ORC4: variants seen among roughly 807,000 people sequenced by gnomAD.
ORC4 encodes the protein origin recognition complex subunit 4.
A neutral mutation model predicts 63.9 loss-of-function variants in ORC4; 55 were observed. The ratio of observed to expected loss-of-function variants is 0.86; its 90% CI spans 0.69 to 1.08. The LOEUF is 1.08. ORC4 is among the 50% of genes least tolerant of loss of function. The pLI is 0.00. For missense variants in ORC4, 511 were observed against 504.4 expected (o/e 1.01, Z -0.13); for synonymous variants, 150 against 168.5 (o/e 0.89, Z 0.85).
intron 1 of ORC4, among the ~76,000 whole-genome samples, chr2:148,019,079 G>C (rs1174176770): frequency 6.6e-6 from 1 of 151,534 alleles, no homozygotes; most frequent in Non-Finnish European, 1.5e-5. Flanking sequence ...CAAAGTGGCA[G>C]ACAATTGGTT....
chr2:148,021,302 GAGA>G (rs550431476), upstream of ORC4: 7 of 389,438 alleles, frequency 1.8e-5, no homozygotes, highest in South Asian at 8.1e-5. Context: ...CCTGAGAGAG[GAGA>G]AGGAGTTTCT....
intron 1 of ORC4, among the ~76,000 whole-genome samples, chr2:148,016,982 G>C (rs982642735): frequency 1.3e-5 from 2 of 152,100 alleles, no homozygotes; most frequent in African/African-American, 4.8e-5. Flanking sequence ...AAAAAATTAA[G>C]ACAAAGCAAA....
At position 147,935,676 on chromosome 2, in the gene ORC4, A is replaced by T; in HGVS notation, c.1145T>A (p.Leu382Ter). The change falls in exon 14 of 14, where the codon TTA (leucine) becomes TAA (stop). Residue 382 changes from leucine to a stop codon, truncating the protein, a stop_gained. Coordinates refer to ENST00000392857, the MANE Select transcript of ORC4 (RefSeq NM_181741.4). LOFTEE classifies it high-confidence loss of function. ...VMKAFEHLQQ[L>*]ELIKPMERTS... ...TCTTTCCATGGGCTTTATTAATTCT[A>T]ATTGCTGCAAGTGTTCAAAAGCCTG... 1.4e-5 allele frequency: 23 copies of T among 1,612,828 alleles called. No homozygotes were observed. The highest frequency in any genetic ancestry group is 1.9e-5 in the Non-Finnish European group (23 of 1,179,692).
intron 4 of ORC4, among the ~76,000 whole-genome samples, chr2:147,959,094 G>A (rs1689432355): frequency 2.0e-5 from 3 of 151,808 alleles, no homozygotes; most frequent in South Asian, 2.1e-4. Flanking sequence ...TCACCTACCC[G>A]AACTTTTAAT....
chr2:147,973,496 CA>C lies in ORC4; in HGVS notation c.85del (p.Cys29ValfsTer19). 1 of 1,602,404 alleles carries C rather than the reference CA, an allele frequency of 6.2e-7. No individual in the cohort carries two copies. The highest frequency in any genetic ancestry group is 8.5e-7 in the Non-Finnish European group (1 of 1,170,502). On this transcript the variant is annotated frameshift_variant, in exon 3 of 14. Coordinates refer to ENST00000392857, the MANE Select transcript of ORC4 (RefSeq NM_181741.4). LOFTEE classifies it high-confidence loss of function. ...TAGGTTACTATGTGGACTCTGACGA[CA>C]AAATCTTTCACGTAAAATTCTTTGT... ...QVQRILRERF[C>X]RQSPHSNLFG...
chr2:147,979,215 A>G (rs1690727473), intron 1 of ORC4, among the ~76,000 whole-genome samples: 1 of 152,200 alleles, frequency 6.6e-6, no homozygotes, highest in African/African-American at 2.4e-5. Context: ...GAAAATCCTT[A>G]AGACTCTACC....
chr2:147,942,266 G>A (rs935812263), intron 10 of ORC4, among the ~76,000 whole-genome samples: 3 of 151,888 alleles, frequency 2.0e-5, no homozygotes, highest in African/African-American at 7.3e-5. Context: ...GTCTTTCAAA[G>A]GTATTTGCCA....
chr2:147,994,610 T>C (rs556851238), intron 1 of ORC4, among the ~76,000 whole-genome samples: 11 of 152,254 alleles, frequency 7.2e-5, no homozygotes, highest in South Asian at 2.1e-4. Context: ...TTGCAACAAA[T>C]GGTAATGGAA....
intron 9 of ORC4, 200 bp downstream of exon 9, chr2:147,947,851 T>C (rs977221797): frequency 2.1e-6 from 1 of 479,282 alleles, no homozygotes; most frequent in African/African-American, 2.0e-5. Context: ...TGATGTTCTT[T>C]TGAGATAGAA....
intron 8 of ORC4, 97 bp from the exon 9 acceptor site, chr2:147,948,321 A>T: frequency 1.4e-6 from 1 of 737,090 alleles, no homozygotes; most frequent in South Asian, 1.7e-5. Context: ...ACTATCACCT[A>T]TAATTAGTAA....
At chr2:148,002,013 AG>A (rs1176709264) in intron 1 of ORC4, among the ~76,000 whole-genome samples, 1 of 152,222 alleles carries the variant, frequency 6.6e-6, no homozygotes, top group East Asian at 1.9e-4. Flanking sequence ...AAGACAAAGA[AG>A]GACATTACAT....
Position 147,952,792 on chromosome 2 carries a change from T to C in ORC4, c.437-268A>G, listed in dbSNP as rs12104822. On this transcript the variant is annotated intron_variant, in intron 7 of 13. Transcript: ENST00000392857. ...CTGTAATCCCAGCACTTTGGGAGGC[T>C]GAGGTGGGTGGATCACCTGAGGTCG... 0.33 allele frequency among the ~76,000 whole-genome samples: 50,119 copies of C among 150,444 alleles called. 8,538 individuals are homozygous for C. The highest frequency in any genetic ancestry group is 0.53 in the East Asian group (2,686 of 5,114).
chr2:148,003,778 A>G (rs1692455044), intron 1 of ORC4, among the ~76,000 whole-genome samples: 2 of 152,202 alleles, frequency 1.3e-5, no homozygotes, highest in South Asian at 4.1e-4. Context: ...AGGCAAGAGA[A>G]AGAAATAAAA....
chr2:147,958,735 AT>A (rs907337114), intron 5 of ORC4, 55 bp downstream of exon 5: 26 of 887,368 alleles, frequency 2.9e-5, no homozygotes, highest in Non-Finnish European at 4.9e-5. Flanking sequence ...TACAAGTCAT[AT>A]AAAAACCCCA....
chr2:147,940,437 T>G (rs1034085777), intron 10 of ORC4, among the ~76,000 whole-genome samples: 1 of 152,072 alleles, frequency 6.6e-6, no homozygotes, highest in African/African-American at 2.4e-5. Context: ...AAGTTATTAT[T>G]TGAAAAAGAA....
In ORC4 at chr2:147,999,260, C is replaced by T. The variant is rs141469519; in HGVS notation, c.-18+21373G>A. 6.9e-4 allele frequency among the ~76,000 whole-genome samples: 105 copies of T among 152,222 alleles called. 1 individual carries two copies. Among genetic ancestry groups the T allele is most frequent in the African/African-American group, 2.4e-3 (100 of 41,544 alleles). On this transcript the variant is annotated intron_variant, in intron 1 of 13. Transcript: ENST00000392857. ...CAGGGTAAGACAGAAGAAATCTACC[C>T]TGAGGACACAAGACACAGCAGAAGG...
intron 1 of ORC4, among the ~76,000 whole-genome samples, chr2:147,995,116 G>C (rs1382203164): frequency 2.7e-5 from 4 of 150,118 alleles, no homozygotes; most frequent in Non-Finnish European, 3.0e-5. Context: ...GTGTCTAAAG[G>C]ACTGTAAATG....
chr2:147,950,395 G>A (rs1334161546), intron 8 of ORC4, among the ~76,000 whole-genome samples: 2 of 152,134 alleles, frequency 1.3e-5, no homozygotes, highest in Non-Finnish European at 1.5e-5. Flanking sequence ...TCCCAATGGG[G>A]AAGAAGATGC....
intron 4 of ORC4, among the ~76,000 whole-genome samples, chr2:147,968,196 A>G (rs750942512): frequency 2.0e-5 from 3 of 152,110 alleles, no homozygotes; most frequent in Non-Finnish European, 2.9e-5. Flanking sequence ...AACTACTAGA[A>G]GAAAACATAG....
Sources: allele counts gnomAD v4.1 joint callset (sites outside exome capture counted in the v4.1 genomes callset), GRCh38; gene constraint gnomAD v4.1.1; transcripts MANE v1.5; gene names NCBI Gene and HGNC (gene_info 2026-07-23, HGNC 2026-07-21).